The following ANO3 variants were observed in gnomAD, a reference collection of about 807,000 sequenced individuals.
ANO3 encodes the protein anoctamin-3.
In ANO3, 99 loss-of-function variants were observed where a neutral mutation model predicts 144.8. The ratio of observed to expected loss-of-function variants is 0.68; its 90% CI spans 0.58 to 0.81. ANO3 has a LOEUF of 0.81. ANO3 is among the 30% of genes least tolerant of loss of function. The probability of loss-of-function intolerance (pLI) is 0.00; values close to 1 mark genes in which losing one functional copy is unlikely to be tolerated. For synonymous variants in ANO3, 414 were observed against 392.6 expected (o/e 1.05, Z -0.64); for missense variants, 905 against 1,202.2 (o/e 0.75, Z 3.66).
intron 20 of ANO3, among the ~76,000 whole-genome samples, chr11:26,637,608 T>C (rs1486613551): frequency 6.6e-6 from 1 of 152,190 alleles, no homozygotes; most frequent in Non-Finnish European, 1.5e-5. Flanking sequence ...TCAGATATAT[T>C]TGGGAGAGTT....
intron 1 of ANO3, among the ~76,000 whole-genome samples, chr11:26,436,787 CCT>C (rs1858311682): frequency 6.6e-6 from 1 of 152,170 alleles, no homozygotes; most frequent in Non-Finnish European, 1.5e-5. Flanking sequence ...GCAGTCCTCC[CCT>C]CTCTCTGGGA....
intron 8 of ANO3, 74 bp downstream of exon 8, chr11:26,531,410 G>A (rs1331919989): frequency 6.8e-7 from 1 of 1,471,098 alleles, no homozygotes; most frequent in Non-Finnish European, 9.1e-7. Context: ...AAAAACACCT[G>A]GGACCATTTC....
At chr11:26,546,566 G>A (rs1260363088) in intron 11 of ANO3, among the ~76,000 whole-genome samples, 1 of 152,018 alleles carries the variant, frequency 6.6e-6, no homozygotes, top group Non-Finnish European at 1.5e-5. Context: ...AGAAGATGGA[G>A]ACCAAACAGT....
chr11:26,226,536 C>T (rs4498946), intron 1 of ANO3, among the ~76,000 whole-genome samples: 45,973 of 151,778 alleles, frequency 0.3, 7,698 homozygotes, highest in Non-Finnish European at 0.37. Flanking sequence ...CCCTGGAGCC[C>T]GACTTACTTG....
At chr11:26,445,262 A>G (rs1262778645) in intron 3 of ANO3, among the ~76,000 whole-genome samples, 1 of 152,210 alleles carries the variant, frequency 6.6e-6, no homozygotes, top group African/African-American at 2.4e-5. Context: ...ATAAGAACAA[A>G]AAACAAACCT....
intron 17 of ANO3, among the ~76,000 whole-genome samples, chr11:26,603,759 C>A (rs919318872): frequency 1.3e-5 from 2 of 152,016 alleles, no homozygotes; most frequent in African/African-American, 4.8e-5. Flanking sequence ...GTGGCACACC[C>A]TTTTGATTTA....
chr11:26,253,903 T>G (rs1852995797), intron 1 of ANO3, among the ~76,000 whole-genome samples: 1 of 152,180 alleles, frequency 6.6e-6, no homozygotes, highest in South Asian at 2.1e-4. Context: ...ATTATTGTCT[T>G]GTTCTATCTG....
Position 26,518,686 on chromosome 11 carries a change from C to T in ANO3, c.692+1759C>T, listed in dbSNP as rs537545683. On this transcript the variant is annotated intron_variant, in intron 6 of 26. Transcript: ENST00000256737. ...CGGATATAAGCAAATTAGAATACAA[C>T]TTTGCAATGAAATATAGTTTATAAA... 5.3e-5 allele frequency among the ~76,000 whole-genome samples: 8 copies of T among 151,876 alleles called. No homozygotes were observed. In the South Asian group the frequency reaches 8.3e-4, roughly 16 times the overall value.
chr11:26,456,205 G>A (rs1430093132), intron 3 of ANO3, among the ~76,000 whole-genome samples: 67 of 152,158 alleles, frequency 4.4e-4, no homozygotes, highest in African/African-American at 1.4e-3. Flanking sequence ...AATGGCAACA[G>A]AAGCCAAAAT....
chr11:26,597,854 C>T (rs1851681778), intron 14 of ANO3, among the ~76,000 whole-genome samples: 1 of 152,226 alleles, frequency 6.6e-6, no homozygotes, highest in South Asian at 2.1e-4. Context: ...GAGTCCTTTT[C>T]AGTCCATGTA....
chr11:26,430,381 T>TA (rs775970484), intron 1 of ANO3, among the ~76,000 whole-genome samples: 2 of 151,984 alleles, frequency 1.3e-5, no homozygotes, highest in African/African-American at 2.4e-5. Flanking sequence ...TACCTTGAAA[T>TA]AAAAAACCTA....
At chr11:26,530,485 C>CTATA (rs1849337545) in intron 7 of ANO3, among the ~76,000 whole-genome samples, 1 of 57,756 alleles carries the variant, frequency 1.7e-5, no homozygotes, top group African/African-American at 4.6e-5. Context: ...ATCTATCTAT[C>CTATA]TATCTATCTA....
chr11:26,653,106 C>T (rs1233759351), intron 24 of ANO3, among the ~76,000 whole-genome samples: 1 of 152,086 alleles, frequency 6.6e-6, no homozygotes, highest in Non-Finnish European at 1.5e-5. Context: ...TTTCCTTGAC[C>T]ATCTAATTCA....
intron 13 of ANO3, among the ~76,000 whole-genome samples, chr11:26,555,235 T>A (rs1850050806): frequency 6.6e-6 from 1 of 152,192 alleles, no homozygotes; most frequent in African/African-American, 2.4e-5. Flanking sequence ...CTCATCACTT[T>A]TGGCAAGAAC....
At chr11:26,199,730 G>GT (rs1411268507) in intron 1 of ANO3, among the ~76,000 whole-genome samples, 3 of 152,156 alleles carry the variant, frequency 2.0e-5, no homozygotes, top group Admixed American at 2.0e-4. Flanking sequence ...TCAGTGGATG[G>GT]TTTTAGGTTA....
intron 14 of ANO3, among the ~76,000 whole-genome samples, chr11:26,575,818 T>C (rs1294131383): frequency 1.3e-5 from 2 of 152,196 alleles, no homozygotes; most frequent in Non-Finnish European, 2.9e-5. Context: ...AATATTTTCT[T>C]GGGTATTTTT....
At chr11:26,646,115 T>C (rs1186692982) in intron 23 of ANO3, among the ~76,000 whole-genome samples, 1 of 152,178 alleles carries the variant, frequency 6.6e-6, no homozygotes, top group Non-Finnish European at 1.5e-5. Flanking sequence ...TCCTTTGCCA[T>C]TGTTTTTCTT....
At chr11:26,565,072 T>C in intron 14 of ANO3, 4 of 1,269,646 alleles carry the variant, frequency 3.2e-6, no homozygotes, top group Non-Finnish European at 4.3e-6. Flanking sequence ...CTCTTCTGTT[T>C]TTCCAGCATG....
At position 26,547,970 on chromosome 11, in the gene ANO3, C is replaced by T. The variant is rs145285862; in HGVS notation, c.1289+420C>T. Among the ~76,000 whole-genome samples the T allele has an allele frequency of 3.3e-3, 496 of 152,038 alleles. 3 individuals carry two copies. Among genetic ancestry groups the T allele is most frequent in the African/African-American group, 0.011 (474 of 41,514 alleles). ...CTTGTTTCATTTGCTATAACCTTCA[C>T]TACCACCCTGGGAGATGCATAGCTC... On this transcript the variant is annotated intron_variant, in intron 12 of 26. Coordinates refer to ENST00000256737, the MANE Select transcript of ANO3 (RefSeq NM_031418.4).
Sources: allele counts gnomAD v4.1 joint callset (sites outside exome capture counted in the v4.1 genomes callset), GRCh38; gene constraint gnomAD v4.1.1; transcripts MANE v1.5; gene names NCBI Gene and HGNC (gene_info 2026-07-23, HGNC 2026-07-21).